Variants in PKN2 observed in about 807,000 individuals in gnomAD.
PKN2 encodes protein kinase N2.
A neutral mutation model predicts 119.1 loss-of-function variants in PKN2; 38 were observed. That is an observed-to-expected ratio of 0.32 (90% CI 0.25 to 0.42). The LOEUF is 0.42. PKN2 is among the 10% of genes least tolerant of loss of function. The pLI is 1.00. For synonymous variants in PKN2, 390 were observed against 384.9 expected (o/e 1.01, Z -0.15); for missense variants, 850 against 1,165.1 (o/e 0.73, Z 3.94).
rs534593176 is a variant in PKN2, at chr1:88,764,358, TA to T, written c.504+3985del. Among the ~76,000 whole-genome samples the T allele has an allele frequency of 9.5e-4, 145 of 152,310 alleles. 2 individuals are homozygous for T. In the South Asian group the frequency reaches 0.016, roughly 17 times the overall value. On this transcript the variant is annotated intron_variant, in intron 3 of 21. Coordinates refer to ENST00000370521, the MANE Select transcript of PKN2 (RefSeq NM_006256.4). ...CAAGCTCTTCACTACTATCCTAAGA[TA>T]AATAGCAACCTCTGTCTCTTCTTAA...
chr1:88,801,082 A>G (rs1671288216), intron 8 of PKN2, among the ~76,000 whole-genome samples: 1 of 152,106 alleles, frequency 6.6e-6, no homozygotes, highest in Non-Finnish European at 1.5e-5. Context: ...TCACACTTGC[A>G]TTTTAAATTC....
At chr1:88,728,299 A>G (rs776632085) in intron 1 of PKN2, among the ~76,000 whole-genome samples, 1 of 152,124 alleles carries the variant, frequency 6.6e-6, no homozygotes, top group Non-Finnish European at 1.5e-5. Context: ...AAGCAGGCAC[A>G]TGTTTCTTTT....
intron 16 of PKN2, among the ~76,000 whole-genome samples, chr1:88,815,262 A>G (rs1354281936): frequency 1.3e-5 from 2 of 152,218 alleles, no homozygotes; most frequent in East Asian, 3.8e-4. Flanking sequence ...CATAAAGTCC[A>G]GTGAAAATAC....
chr1:88,828,046 C>A (rs1672580670), intron 18 of PKN2, among the ~76,000 whole-genome samples: 1 of 152,018 alleles, frequency 6.6e-6, no homozygotes, highest in Non-Finnish European at 1.5e-5. Flanking sequence ...TATTATATGA[C>A]ACATTTGGTC....
intron 1 of PKN2, among the ~76,000 whole-genome samples, chr1:88,736,067 A>G (rs1668335477): frequency 6.6e-6 from 1 of 152,138 alleles, no homozygotes; most frequent in South Asian, 2.1e-4. Context: ...GTTTTCAAAT[A>G]GCTTGTCTTC....
At chr1:88,796,392 T>TA (rs11440148) in intron 8 of PKN2, among the ~76,000 whole-genome samples, 10,158 of 152,200 alleles carry the variant, frequency 0.067, 688 homozygotes, top group African/African-American at 0.18. Context: ...GCCTGTAACT[T>TA]CAAGTTAAAG....
intron 2 of PKN2, among the ~76,000 whole-genome samples, chr1:88,758,281 CAT>C (rs1224775376): frequency 1.3e-5 from 2 of 151,970 alleles, no homozygotes; most frequent in Admixed American, 6.5e-5. Context: ...TTAAATGGCA[CAT>C]GTTTTGAATT....
chr1:88,785,324 A>G (rs1361926601), intron 7 of PKN2, among the ~76,000 whole-genome samples: 2 of 151,850 alleles, frequency 1.3e-5, no homozygotes, highest in African/African-American at 2.4e-5. Flanking sequence ...GGGTCTCACT[A>G]TGTTGCCCAG....
In PKN2 at chr1:88,771,755, C is replaced by T. The variant is rs368171924; in HGVS notation, c.861C>T (p.Pro287=). 2 of 1,613,424 alleles carry T rather than the reference C, an allele frequency of 1.2e-6. No individual in the cohort carries two copies. The highest frequency in any genetic ancestry group is 1.7e-6 in the Non-Finnish European group (2 of 1,179,602). Reference sequence around the variant, plus strand: ...TAAACGAAGTCCCCAAGAATCATCCCAAAAGCAGGATTATTATTGAAGAAC... The same window carrying T: ...TAAACGAAGTCCCCAAGAATCATCCTAAAAGCAGGATTATTATTGAAGAAC... ...QRLNEVPKNH[P]KSRIIIEELS... is the part of the protein sequence containing the mutation. Residue 287 remains proline (P), a synonymous_variant, in exon 6 of 22, where the codon CCC becomes CCT. Coordinates refer to ENST00000370521, the MANE Select transcript of PKN2 (RefSeq NM_006256.4).
intron 6 of PKN2, among the ~76,000 whole-genome samples, chr1:88,776,135 A>G (rs955256104): frequency 2.7e-5 from 4 of 150,640 alleles, no homozygotes; most frequent in African/African-American, 4.9e-5. Flanking sequence ...ACTGGCTTCT[A>G]TATTTACTTA....
intron 16 of PKN2, among the ~76,000 whole-genome samples, chr1:88,816,080 C>T (rs113443896): frequency 0.011 from 1,692 of 151,754 alleles, 13 homozygotes; most frequent in Non-Finnish European, 0.017. Context: ...GCAGAGGTTG[C>T]AGTGAGCCAA....
At chr1:88,703,434 G>A (rs2100669300) in intron 1 of PKN2, among the ~76,000 whole-genome samples, 1 of 152,078 alleles carries the variant, frequency 6.6e-6, no homozygotes, top group South Asian at 2.1e-4. Context: ...GCTTATTTTT[G>A]TTATTTATAT....
At chr1:88,708,617 C>CTT (rs769170898) in intron 1 of PKN2, among the ~76,000 whole-genome samples, 20 of 118,446 alleles carry the variant, frequency 1.7e-4, no homozygotes, top group Admixed American at 3.5e-4. Context: ...ACACATAAAA[C>CTT]TTTTTTTTTT....
chr1:88,799,844 C>A (rs1671237253), intron 8 of PKN2, among the ~76,000 whole-genome samples: 1 of 152,192 alleles, frequency 6.6e-6, no homozygotes, highest in African/African-American at 2.4e-5. Context: ...AAAAAACTCT[C>A]TTTAGTTAAA....
At chr1:88,799,400 CAT>C (rs1312509262) in intron 8 of PKN2, among the ~76,000 whole-genome samples, 1 of 152,148 alleles carries the variant, frequency 6.6e-6, no homozygotes, top group East Asian at 1.9e-4. Context: ...GAACTGAAAA[CAT>C]ATATTATTGT....
At chr1:88,747,561 G>C (rs150580021) in intron 2 of PKN2, among the ~76,000 whole-genome samples, 35 of 152,156 alleles carry the variant, frequency 2.3e-4, no homozygotes, top group African/African-American at 7.2e-4. Context: ...CCGGTTTCCT[G>C]AATCTTGGTT....
chr1:88,795,318 A>G (rs939015413), intron 8 of PKN2, among the ~76,000 whole-genome samples: 2 of 152,152 alleles, frequency 1.3e-5, no homozygotes, highest in East Asian at 1.9e-4. Context: ...AGTTAGCCCT[A>G]TTAGCACCTA....
intron 2 of PKN2, among the ~76,000 whole-genome samples, chr1:88,758,091 C>T (rs752488091): frequency 9.4e-5 from 14 of 148,430 alleles, no homozygotes; most frequent in East Asian, 2.0e-4. Flanking sequence ...ATGGATTATC[C>T]GGAATAACTA....
At chr1:88,697,375 A>G (rs1011886590) in intron 1 of PKN2, among the ~76,000 whole-genome samples, 3 of 152,156 alleles carry the variant, frequency 2.0e-5, no homozygotes, top group Non-Finnish European at 4.4e-5. Context: ...TCCAAAAGCT[A>G]TTCTTCCCCT....
Sources: gnomAD v4.1 joint callset for allele counts (sites outside exome capture counted in the v4.1 genomes callset) on GRCh38, gnomAD v4.1.1 for gene constraint, MANE v1.5 for transcripts, NCBI Gene and HGNC (gene_info 2026-07-23, HGNC 2026-07-21) for gene names.